GALNT9: variants seen among roughly 807,000 people sequenced by gnomAD.
GALNT9 encodes polypeptide N-acetylgalactosaminyltransferase 9.
GALNT9 carries 47 observed loss-of-function variants against 63.1 expected under a neutral mutation model. That is an observed-to-expected ratio of 0.75 (90% CI 0.59 to 0.95). The LOEUF (loss-of-function observed/expected upper bound fraction) is 0.95. Ranked by LOEUF, GALNT9 falls within the 40% of genes least tolerant of loss-of-function variation. The pLI is 0.00. For missense variants in GALNT9, 829 were observed against 874.8 expected (o/e 0.95, Z 0.66); for synonymous variants, 396 against 365.7 (o/e 1.08, Z -0.94).
intron 1 of GALNT9, among the ~76,000 whole-genome samples, chr12:132,293,824 G>A (rs948206131): frequency 6.6e-5 from 10 of 152,042 alleles, no homozygotes; most frequent in Non-Finnish European, 1.3e-4. Context: ...GGGCCAGAAC[G>A]AGAAGCCGGG....
chr12:132,201,359 C>A (rs889391591), intron 7 of GALNT9, 98 bp from the exon 8 acceptor site: 2 of 735,682 alleles, frequency 2.7e-6, no homozygotes, highest in Non-Finnish European at 4.6e-6. Flanking sequence ...CAAGTGCCCT[C>A]ACAGGAGCAG....
chr12:132,308,035 CAAAA>C (rs58609306), intron 1 of GALNT9, among the ~76,000 whole-genome samples: 1 of 144,972 alleles, frequency 6.9e-6, no homozygotes, highest in Admixed American at 6.8e-5. Flanking sequence ...GACCCTGTCT[CAAAA>C]AAAAAAAAAC....
intron 6 of GALNT9, among the ~76,000 whole-genome samples, chr12:132,235,339 G>C (rs1031612266): frequency 5.2e-4 from 79 of 152,272 alleles, no homozygotes; most frequent in Admixed American, 1.2e-3. Context: ...CCGGAGACTG[G>C]GAATCAGGCA....
intron 1 of GALNT9, among the ~76,000 whole-genome samples, chr12:132,321,479 T>C (rs1868792805): frequency 6.6e-6 from 1 of 152,120 alleles, no homozygotes; most frequent in Non-Finnish European, 1.5e-5. Context: ...TCAAGAACCT[T>C]CTGGCATGGT....
chr12:132,304,430 GCCTCGCCCGGGCACAC>G (rs1383447085), intron 1 of GALNT9, among the ~76,000 whole-genome samples: 111 of 19,606 alleles, frequency 5.7e-3, no homozygotes, highest in East Asian at 0.012. Context: ...CCCGGGCACA[GCCTCGCCCGGGCACAC>G]CCTCGCCCGG....
chr12:132,203,294 TCTCTTCCCAGTGTGAGGAAGGC>T (rs1170366687), intron 7 of GALNT9, among the ~76,000 whole-genome samples, 189 bp downstream of exon 7: 1 of 152,126 alleles, frequency 6.6e-6, no homozygotes, highest in African/African-American at 2.4e-5. Flanking sequence ...TGTGAGCTGG[TCTCTTCCCAGTGTGAGGAAGGC>T]TCCTTCCCAG....
rs372013225 is a variant in GALNT9 at position 132,327,866 on chromosome 12, G to A, written c.238+1100C>T. ...ACCCTCAAGAGAGGGTGTGGCTCCT[G>A]AAGGAAACGCAAGACCACCCCCCGC... On this transcript the variant is annotated intron_variant, in intron 1 of 10. Coordinates refer to ENST00000328957, the MANE Select transcript of GALNT9 (RefSeq NM_001122636.2). The surrounding 1 kb of genome is among the most constrained non-coding windows in gnomAD (Gnocchi z 4.3). Among the ~76,000 whole-genome samples the A allele has an allele frequency of 1.4e-3, 216 of 149,512 alleles. No homozygotes were observed. The South Asian group carries it at 0.021, about 14-fold the overall frequency.
chr12:132,260,900 G>GGAGGGGGACCCGCTGA, intron 4 of GALNT9, 48 bp downstream of exon 4: 1 of 1,473,766 alleles, frequency 6.8e-7, no homozygotes, highest in South Asian at 1.4e-5. Flanking sequence ...GGGGGATGGT[G>GGAGGGGGACCCGCTGA]GAGGGGGACC....
chr12:132,313,105 C>G (rs1320721758), intron 1 of GALNT9, among the ~76,000 whole-genome samples: 1 of 149,972 alleles, frequency 6.7e-6, no homozygotes, highest in East Asian at 2.0e-4. Flanking sequence ...ACTCACCCAT[C>G]CATCCACCCA....
intron 6 of GALNT9, among the ~76,000 whole-genome samples, chr12:132,230,931 T>C (rs1403954549): frequency 6.6e-6 from 1 of 152,210 alleles, no homozygotes. Flanking sequence ...CTCACACTCT[T>C]CTGGGCACTG....
intron 6 of GALNT9, among the ~76,000 whole-genome samples, chr12:132,210,084 C>G (rs939685028): frequency 2.0e-5 from 3 of 152,180 alleles, no homozygotes; most frequent in African/African-American, 7.2e-5. Context: ...CACACCAAGG[C>G]TGAGGGGCCG....
At chr12:132,207,922 C>T (rs112702542) in intron 6 of GALNT9, among the ~76,000 whole-genome samples, 55 of 152,262 alleles carry the variant, frequency 3.6e-4, no homozygotes, top group African/African-American at 9.9e-4. Context: ...CCCCCCACCA[C>T]GACTCCTCGC....
At chr12:132,291,729 G>A (rs958681421) in intron 1 of GALNT9, among the ~76,000 whole-genome samples, 9 of 152,032 alleles carry the variant, frequency 5.9e-5, no homozygotes, top group South Asian at 2.1e-4. Flanking sequence ...CAGCACCCAC[G>A]TCCACACCTG....
At position 132,197,146 on chromosome 12, in the gene GALNT9, C is replaced by T. The variant is rs775343501; in HGVS notation, c.1773G>A (p.Lys591=). The T allele has an allele frequency of 3.1e-6, 5 of 1,614,086 alleles. No homozygotes were observed. The African/African-American group carries it at 6.7e-5, about 22-fold the overall frequency. The change falls in exon 11 of 11, where the codon AAG becomes AAA. Residue 591 remains lysine (K), a synonymous_variant. Coordinates refer to ENST00000328957, the MANE Select transcript of GALNT9 (RefSeq NM_001122636.2). ...RLVVQRCSGQ[K]WMIRNWIKHA... The stretch of plus-strand genomic sequence containing the variant: ...GTTTGATCCAGTTTCTGATCATCCA[C>T]TTCTGCCCCGAGCACCTCTGTACCA...
At chr12:132,203,365 C>T in intron 7 of GALNT9, 140 bp downstream of exon 7, 2 of 691,922 alleles carry the variant, frequency 2.9e-6, no homozygotes, top group Non-Finnish European at 4.8e-6. Flanking sequence ...CACACAACTG[C>T]TTGCACCTGT....
chr12:132,240,548 A>G (rs2136898572), intron 6 of GALNT9: 116,975 of 445,870 alleles, frequency 0.26, 17,981 homozygotes, highest in African/African-American at 0.5. Context: ...GCGTGGCCCC[A>G]GGGCTCAGCT....
chr12:132,240,444 G>A (rs2136898241), intron 6 of GALNT9: 12 of 363,958 alleles, frequency 3.3e-5, no homozygotes, highest in Non-Finnish European at 5.9e-5. Context: ...CATGGCCTCA[G>A]AACCAGCCCT....
chr12:132,317,909 GCGTTTCA>G (rs1195712201), intron 1 of GALNT9, among the ~76,000 whole-genome samples: 9 of 152,200 alleles, frequency 5.9e-5, no homozygotes, highest in African/African-American at 2.2e-4. Context: ...GTCGAGGATG[GCGTTTCA>G]AAGAACAATT....
chr12:132,261,426 A>G (rs1461556083), intron 3 of GALNT9, among the ~76,000 whole-genome samples: 1 of 152,132 alleles, frequency 6.6e-6, no homozygotes, highest in Admixed American at 6.6e-5. Flanking sequence ...GCTGTAAAAA[A>G]CCAAGTCCAT....
Sources: allele counts gnomAD v4.1 joint callset (sites outside exome capture counted in the v4.1 genomes callset), GRCh38; gene constraint gnomAD v4.1.1; non-coding constraint Gnocchi (gnomAD v3.1); transcripts MANE v1.5; gene names NCBI Gene and HGNC (gene_info 2026-07-23, HGNC 2026-07-21).